Variants in CIT observed in about 807,000 individuals in gnomAD.
CIT encodes the protein citron rho-interacting serine/threonine kinase, also known as citron Rho-interacting kinase.
In CIT, 79 loss-of-function variants were observed where a neutral mutation model predicts 272.7. The observed-to-expected ratio is 0.29, with a 90% CI of 0.24 to 0.35. The LOEUF is 0.35. CIT is among the 10% of genes least tolerant of loss of function. The probability of loss-of-function intolerance (pLI) is 1.00; values close to 1 mark genes in which losing one functional copy is unlikely to be tolerated. For missense variants in CIT, 1,909 were observed against 2,618.3 expected (o/e 0.73, Z 5.91); for synonymous variants, 948 against 995.6 (o/e 0.95, Z 0.90).
At position 119,687,473 on chromosome 12, in the gene CIT, T is replaced by G. The variant is rs978073019; in HGVS notation, c.*759A>C. ...GGAAGGAAAGCGTCTCGAGGTCCCT[T>G]GGCCCCAAGTCACTGCCTCCGAGCT... On this transcript the variant is annotated 3_prime_UTR_variant, in exon 48 of 48. Coordinates refer to ENST00000392521, the MANE Select transcript of CIT (RefSeq NM_001206999.2). 1.3e-5 allele frequency: 2 copies of G among 152,580 alleles called. No individual in the cohort carries two copies. The highest frequency in any genetic ancestry group is 2.4e-5 in the African/African-American group (1 of 41,420). The allele number at this position is 152,580 out of a possible 1,614,324, so 9.5% of individuals were successfully genotyped here. A position where few individuals can be genotyped will look rare whatever the true frequency, so the allele number is the denominator to read the frequency against.
chr12:119,713,173 A>G lies in CIT; in HGVS notation c.4579+30T>C, dbSNP rs12579244. On this transcript the variant is annotated intron_variant, in intron 35 of 47. Coordinates refer to ENST00000392521, the MANE Select transcript of CIT (RefSeq NM_001206999.2). This position sits in a 1 kb window ranked among gnomAD's most constrained non-coding sequence, Gnocchi z 5.2. ...GGGGAGACCTGGGTTAGCCACGTGC[A>G]ATGACCTTCCCCCTGAATTATTAAT... is the stretch of plus-strand genomic sequence containing the variant. 1,164 of 1,579,658 alleles carry G rather than the reference A, an allele frequency of 7.4e-4. 19 individuals are homozygous for G. In the East Asian group the frequency reaches 0.023, roughly 31 times the overall value.
chr12:119,742,289 T>A (rs1453831843), intron 24 of CIT, 122 bp downstream of exon 24: 2 of 657,708 alleles, frequency 3.0e-6, no homozygotes, highest in Non-Finnish European at 4.9e-6. Flanking sequence ...GATTGCATTA[T>A]CTTCTTCAAG....
chr12:119,844,482 A>T (rs1336832033), intron 5 of CIT, among the ~76,000 whole-genome samples: 1 of 152,182 alleles, frequency 6.6e-6, no homozygotes, highest in Non-Finnish European at 1.5e-5. Flanking sequence ...GTTTTGCCAA[A>T]AACTGAGTTC....
intron 9 of CIT, among the ~76,000 whole-genome samples, chr12:119,811,187 G>A (rs1018030343): frequency 2.6e-5 from 4 of 152,216 alleles, no homozygotes; most frequent in South Asian, 4.2e-4. Flanking sequence ...TTAGCCGGGT[G>A]TGGTGATGCA....
At chr12:119,846,987 CTTT>C (rs35994050) in intron 5 of CIT, among the ~76,000 whole-genome samples, 4 of 147,580 alleles carry the variant, frequency 2.7e-5, no homozygotes, top group African/African-American at 9.9e-5. Context: ...AAGGGAACGT[CTTT>C]TTTTTTTTTC....
At position 119,784,684 on chromosome 12, in the gene CIT, C is replaced by G. The variant is rs989012429; in HGVS notation, c.1401+276G>C. 1 of 1,295,890 alleles carries G rather than the reference C, an allele frequency of 7.7e-7. No homozygotes were observed. The highest frequency in any genetic ancestry group is 1.5e-5 in the African/African-American group (1 of 66,724). 80.3% of individuals were successfully genotyped at this position (1,295,890 alleles called of 1,614,324 possible). A position where few individuals can be genotyped will look rare whatever the true frequency, so the allele number is the denominator to read the frequency against. ...ACAGGTGAGGACCCAGGCCACCTGCCGGAAGAAGCAGACATCTGGCTGGGT... is the reference window on the plus strand; with the variant it reads ...ACAGGTGAGGACCCAGGCCACCTGCGGGAAGAAGCAGACATCTGGCTGGGT... On this transcript the variant is annotated intron_variant, in intron 11 of 47. Coordinates refer to ENST00000392521, the MANE Select transcript of CIT (RefSeq NM_001206999.2). The surrounding 1 kb of genome is among the most constrained non-coding windows in gnomAD (Gnocchi z 4.7).
chr12:119,815,105 AAC>A (rs3858712), intron 9 of CIT, among the ~76,000 whole-genome samples: 1,916 of 143,098 alleles, frequency 0.013, 47 homozygotes, highest in African/African-American at 0.046. Flanking sequence ...ACACACACAC[AAC>A]ACACACACAC....
chr12:119,707,898 T>G (rs114485889), intron 40 of CIT, among the ~76,000 whole-genome samples: 110 of 152,320 alleles, frequency 7.2e-4, no homozygotes, highest in African/African-American at 2.6e-3. Flanking sequence ...TTATTAATCT[T>G]TGAAGCCAAG....
At chr12:119,746,498 C>T (rs1226788319) in intron 23 of CIT, among the ~76,000 whole-genome samples, 1 of 152,170 alleles carries the variant, frequency 6.6e-6, no homozygotes, top group Non-Finnish European at 1.5e-5. Flanking sequence ...GGAGTTAGCT[C>T]CTTCAAAGCA....
intron 14 of CIT, 56 bp from the exon 15 acceptor site, chr12:119,776,464 G>C: frequency 6.9e-7 from 1 of 1,443,544 alleles, no homozygotes; most frequent in Non-Finnish European, 9.7e-7. Context: ...AAAAAGTCGT[G>C]TAGACTACTT....
intron 5 of CIT, among the ~76,000 whole-genome samples, chr12:119,849,288 G>A (rs1016459933): frequency 7.9e-5 from 12 of 152,054 alleles, no homozygotes; most frequent in Admixed American, 5.2e-4. Context: ...TTAGTTGGGC[G>A]TGGTGACACG....
At chr12:119,741,032 C>G (rs529950367) in intron 24 of CIT, among the ~76,000 whole-genome samples, 1 of 152,240 alleles carries the variant, frequency 6.6e-6, no homozygotes, top group African/African-American at 2.4e-5. Flanking sequence ...CACCAAAGGC[C>G]TTGTGTAACG....
At chr12:119,689,283 G>T (rs1470322766) in intron 47 of CIT, among the ~76,000 whole-genome samples, 2 of 151,694 alleles carry the variant, frequency 1.3e-5, no homozygotes, top group African/African-American at 4.8e-5. Flanking sequence ...TCAGGAGGCT[G>T]AAGTGAGAGG....
rs748117973 is a variant in CIT, at chr12:119,825,198, A to T, written c.924T>A (p.Ser308=). 6.2e-7 allele frequency: 1 copy of T among 1,614,120 alleles called. No individual in the cohort carries two copies. Among genetic ancestry groups the T allele is most frequent in the Non-Finnish European group, 8.5e-7 (1 of 1,179,990 alleles). ...YGRSPFAEGT[S]ARTFNNIMNF... ...TCATAATGTTATTGAAGGTTCTGGC[A>T]GAGGTTCCCTCTGCGAAGGGGGATC... The change falls in exon 8 of 48, where the codon TCT becomes TCA. Residue 308 remains serine, a synonymous_variant. Transcript: ENST00000392521.
intron 9 of CIT, among the ~76,000 whole-genome samples, chr12:119,818,621 G>A (rs1191202574): frequency 6.6e-6 from 1 of 152,224 alleles, no homozygotes; most frequent in Non-Finnish European, 1.5e-5. Context: ...GCTAACAAAT[G>A]CTGAGGACCT....
At chr12:119,703,574 C>T (rs940511863) in intron 41 of CIT, among the ~76,000 whole-genome samples, 1 of 151,942 alleles carries the variant, frequency 6.6e-6, no homozygotes, top group African/African-American at 2.4e-5. Context: ...AACAAGCACC[C>T]GCCACCATGC....
chr12:119,776,802 T>G lies in CIT; in HGVS notation c.1706A>C (p.Asn569Thr), dbSNP rs149250142. Residue 569 changes from asparagine to threonine, a missense_variant, in exon 14 of 48, where the codon AAT becomes ACT. By Grantham distance (65) the Asn-to-Thr change is moderately conservative. Coordinates refer to ENST00000392521, the MANE Select transcript of CIT (RefSeq NM_001206999.2). Reference protein sequence around the residue: ...AQVEEMRLMMNQLEEDLVSAR... With the variant: ...AQVEEMRLMMTQLEEDLVSAR... ...TGAGACAAGATCCTCTTCCAACTGA[T>G]TCATCATCAACCTCATTTCTTCCAC... 806 of 1,614,084 alleles carry G rather than the reference T, an allele frequency of 5.0e-4. 1 individual carries two copies. The highest frequency in any genetic ancestry group is 5.3e-4 in the Non-Finnish European group (622 of 1,180,028).
rs768956730 is a variant in CIT at position 119,771,032 on chromosome 12, C to A, written c.2083-122G>T. 9.0e-5 allele frequency: 102 copies of A among 1,133,766 alleles called. 1 individual carries two copies. The African/African-American group carries it at 1.4e-3, about 15-fold the overall frequency. 70.2% of individuals were successfully genotyped at this position (1,133,766 alleles called of 1,614,324 possible). ...GAGTCAGGAAGAAAAGTCTCAGGCA[C>A]CCGAAGCAACAGCAGAGAAAATAAG... is the stretch of plus-strand genomic sequence containing the variant. On this transcript the variant is annotated intron_variant, in intron 17 of 47. Transcript: ENST00000392521.
In CIT at chr12:119,857,518, C is replaced by T. The variant is rs1335365805; in HGVS notation, c.414+5G>A. 5 of 1,613,732 alleles carry T rather than the reference C, an allele frequency of 3.1e-6. No homozygotes were observed. In the African/African-American group the frequency reaches 6.7e-5, roughly 22 times the overall value. ...TGGAAAAGCATGATGTTAAAATCCTCCTACCTGCTCCTGGGCCAATAAAGC... is the reference window on the plus strand; with the variant it reads ...TGGAAAAGCATGATGTTAAAATCCTTCTACCTGCTCCTGGGCCAATAAAGC... On this transcript the variant is annotated splice_donor_5th_base_variant and intron_variant, in intron 4 of 47. Coordinates refer to ENST00000392521, the MANE Select transcript of CIT (RefSeq NM_001206999.2).
Sources: gnomAD v4.1 joint callset for allele counts (sites outside exome capture counted in the v4.1 genomes callset) on GRCh38, gnomAD v4.1.1 for gene constraint, Gnocchi (gnomAD v3.1) non-coding constraint, MANE v1.5 for transcripts, NCBI Gene and HGNC (gene_info 2026-07-23, HGNC 2026-07-21) for gene names.